GRHL2: variants seen among roughly 807,000 people sequenced by gnomAD.
The protein encoded by GRHL2 is grainyhead-like protein 2 homolog.
GRHL2 carries 21 observed loss-of-function variants against 83.8 expected under a neutral mutation model. The ratio of observed to expected loss-of-function variants is 0.25; its 90% CI spans 0.18 to 0.36. GRHL2 has a LOEUF of 0.36. Ranked by LOEUF, GRHL2 falls within the 10% of genes least tolerant of loss-of-function variation. The pLI, the probability that GRHL2 is intolerant of heterozygous loss-of-function variation, is 1.00. For missense variants in GRHL2, 623 were observed against 781.8 expected, an observed-to-expected ratio of 0.80 and a Z score of 2.42; for synonymous variants, 280 against 278.9, an observed-to-expected ratio of 1.00 and a Z score of -0.04.
intron 9 of GRHL2, among the ~76,000 whole-genome samples, chr8:101,622,282 T>A (rs895211613): frequency 5.9e-5 from 9 of 152,158 alleles, no homozygotes; most frequent in African/African-American, 1.9e-4. Context: ...CCAAATTGAC[T>A]TTGAAGTATA....
In GRHL2 at chr8:101,649,571, C is replaced by T. The variant is rs1443795361; in HGVS notation, c.1698+72C>T. On this transcript the variant is annotated intron_variant, in intron 14 of 15. Transcript: ENST00000646743. The stretch of plus-strand genomic sequence containing the variant: ...CTCTCCTCTGGAATCCATGTACTAA[C>T]GTGCAGCCACCGAGATGGCTTCAGA... The T allele has an allele frequency of 1.4e-5, 16 of 1,117,272 alleles. No individual in the cohort carries two copies. In the Middle Eastern group the frequency reaches 5.8e-4, roughly 40 times the overall value. 69.2% of individuals were successfully genotyped at this position (1,117,272 alleles called of 1,614,324 possible). A position where few individuals can be genotyped will look rare whatever the true frequency, so the allele number is the denominator to read the frequency against.
At chr8:101,573,605 T>C (rs1586108285) in intron 5 of GRHL2, 63 bp from the exon 6 acceptor site, 3 of 1,591,336 alleles carry the variant, frequency 1.9e-6, no homozygotes, top group South Asian at 2.2e-5. Flanking sequence ...TGATGTGAAA[T>C]TGGTCAAAAG....
intron 13 of GRHL2, 38 bp from the exon 14 acceptor site, chr8:101,649,376 C>T: frequency 6.6e-7 from 1 of 1,517,308 alleles, no homozygotes. Flanking sequence ...AATTGTGCAG[C>T]CCCTCGGTCA....
chr8:101,656,391 G>A (rs1813786584), intron 14 of GRHL2, among the ~76,000 whole-genome samples: 1 of 152,168 alleles, frequency 6.6e-6, no homozygotes, highest in South Asian at 2.1e-4. Flanking sequence ...CTACTTTACA[G>A]ATGTAGAAAC....
At position 101,566,721 on chromosome 8, in the gene GRHL2, A is replaced by T. The variant is rs372368743; in HGVS notation, c.679-3618A>T. ...CAACCTTATCCATGTTTCTCTGGAA[A>T]CATTGCACTCTGTTAGGAACATTAA... On this transcript the variant is annotated intron_variant, in intron 4 of 15. Coordinates refer to ENST00000646743, the MANE Select transcript of GRHL2 (RefSeq NM_024915.4). Among the ~76,000 whole-genome samples the T allele has an allele frequency of 2.8e-4, 43 of 151,806 alleles. No homozygotes were observed. In the South Asian group the frequency reaches 5.0e-3, roughly 18 times the overall value.
At chr8:101,593,298 C>T (rs1459711321) in intron 7 of GRHL2, among the ~76,000 whole-genome samples, 1 of 152,106 alleles carries the variant, frequency 6.6e-6, no homozygotes, top group African/African-American at 2.4e-5. Flanking sequence ...TTGCATCATG[C>T]CTGTTTTGGG....
At chr8:101,663,631 A>C (rs10111887) in intron 14 of GRHL2, among the ~76,000 whole-genome samples, 1 of 104,674 alleles carries the variant, frequency 9.6e-6, no homozygotes, top group African/African-American at 3.7e-5. Flanking sequence ...ATAAATAAAT[A>C]AATAAATAAA....
intron 14 of GRHL2, among the ~76,000 whole-genome samples, chr8:101,653,668 G>A (rs1013435680): frequency 1.3e-5 from 2 of 152,106 alleles, no homozygotes; most frequent in South Asian, 4.1e-4. Context: ...CTTGAACACA[G>A]GAGGCGGAGT....
At chr8:101,664,183 C>T (rs1437651853) in intron 14 of GRHL2, among the ~76,000 whole-genome samples, 2 of 152,172 alleles carry the variant, frequency 1.3e-5, no homozygotes, top group Admixed American at 1.3e-4. Flanking sequence ...TTTCATCCAA[C>T]ATCATAGTTA....
At chr8:101,602,170 T>G (rs1002138285) in intron 8 of GRHL2, among the ~76,000 whole-genome samples, 3 of 152,256 alleles carry the variant, frequency 2.0e-5, no homozygotes, top group African/African-American at 4.8e-5. Context: ...GAGAGGATTT[T>G]TTTTGTCTGC....
At chr8:101,616,352 G>T (rs1812858058) in intron 8 of GRHL2, among the ~76,000 whole-genome samples, 1 of 151,920 alleles carries the variant, frequency 6.6e-6, no homozygotes, top group Non-Finnish European at 1.5e-5. Context: ...TGTATTTTTA[G>T]TAGAGATGGG....
chr8:101,618,220 A>C (rs1812893642), intron 8 of GRHL2, among the ~76,000 whole-genome samples: 1 of 152,216 alleles, frequency 6.6e-6, no homozygotes, highest in East Asian at 1.9e-4. Context: ...TCCACTATTT[A>C]AAATGAGGAG....
chr8:101,511,373 G>A (rs1313758176), intron 1 of GRHL2, among the ~76,000 whole-genome samples: 1 of 152,176 alleles, frequency 6.6e-6, no homozygotes, highest in African/African-American at 2.4e-5. Flanking sequence ...GGTCAAATAT[G>A]CTTATTGCTG....
At chr8:101,631,528 T>C in intron 9 of GRHL2, 109 bp from the exon 10 acceptor site, 1 of 902,270 alleles carries the variant, frequency 1.1e-6, no homozygotes, top group Non-Finnish European at 1.8e-6. Flanking sequence ...GCTGCTTGGT[T>C]ACCTCCTCCC....
intron 1 of GRHL2, among the ~76,000 whole-genome samples, chr8:101,499,442 T>A (rs554509): frequency 2.0e-5 from 3 of 147,904 alleles, no homozygotes; most frequent in Non-Finnish European, 4.4e-5. Context: ...ACTTTCCTGG[T>A]TTTTTTTTCC....
At chr8:101,599,275 C>G in intron 8 of GRHL2, 124 bp downstream of exon 8, 1 of 743,580 alleles carries the variant, frequency 1.3e-6, no homozygotes, top group Non-Finnish European at 2.4e-6. Flanking sequence ...CATCTTTTGC[C>G]TTTGTGGAGG....
chr8:101,674,010 G>A (rs901377691), downstream of GRHL2, among the ~76,000 whole-genome samples: 3 of 151,994 alleles, frequency 2.0e-5, no homozygotes, highest in African/African-American at 4.8e-5. Flanking sequence ...TGAAACCAAC[G>A]AGAACAAAGA....
chr8:101,602,342 T>C (rs4734546), intron 8 of GRHL2, among the ~76,000 whole-genome samples: 77,569 of 152,090 alleles, frequency 0.51, 21,681 homozygotes, highest in African/African-American at 0.74. Context: ...TGTGGACTTA[T>C]CTATCAGGAG....
chr8:101,651,429 G>A (rs1813619523), intron 14 of GRHL2, among the ~76,000 whole-genome samples: 1 of 152,236 alleles, frequency 6.6e-6, no homozygotes, highest in Non-Finnish European at 1.5e-5. Flanking sequence ...GATATTCTGA[G>A]ATGAGCTAGG....
Sources: gnomAD v4.1 joint callset for allele counts (sites outside exome capture counted in the v4.1 genomes callset) on GRCh38, gnomAD v4.1.1 for gene constraint, MANE v1.5 for transcripts, NCBI Gene and HGNC (gene_info 2026-07-23, HGNC 2026-07-21) for gene names.